Variants in SUGCT observed in about 807,000 individuals in gnomAD.
SUGCT encodes the protein succinyl-CoA:glutarate CoA-transferase.
In SUGCT, 41 loss-of-function variants were observed where a neutral mutation model predicts 55.0. That is an observed-to-expected ratio of 0.74 (90% confidence interval 0.58 to 0.97). SUGCT has a LOEUF of 0.97. SUGCT is among the 50% of genes least tolerant of loss of function. The probability of loss-of-function intolerance (pLI) is 0.00; values close to 1 mark genes in which losing one functional copy is unlikely to be tolerated. For synonymous variants in SUGCT, 187 were observed against 200.4 expected (o/e 0.93, Z 0.56); for missense variants, 568 against 547.8 (o/e 1.04, Z -0.37).
the SUGCT span, among the ~76,000 whole-genome samples, chr7:40,970,995 G>A: frequency 6.6e-6 from 1 of 152,120 alleles, no homozygotes; most frequent in African/African-American, 2.4e-5. Flanking sequence ...GTGTGTGTTG[G>A]GTCATTCTTG....
intron 12 of SUGCT, chr7:40,538,388 G>A (rs867658901): frequency 6.6e-6 from 1 of 152,126 alleles, no homozygotes. Flanking sequence ...AATATAGAAA[G>A]TTTAAAGTTT....
At chr7:40,697,997 A>C (rs1785009751) in intron 12 of SUGCT, among the ~76,000 whole-genome samples, 1 of 152,236 alleles carries the variant, frequency 6.6e-6, no homozygotes, top group African/African-American at 2.4e-5. Context: ...TCGAAAACAG[A>C]GAGGAAGACA....
chr7:40,778,022 C>T (rs1789551113), intron 13 of SUGCT, among the ~76,000 whole-genome samples: 3 of 152,220 alleles, frequency 2.0e-5, no homozygotes. Flanking sequence ...CACCACCTTT[C>T]CACTCTAGTG....
chr7:40,216,498 C>CAAAAAAAA (rs1022915051), intron 6 of SUGCT, among the ~76,000 whole-genome samples: 3 of 50,390 alleles, frequency 6.0e-5, no homozygotes, highest in Admixed American at 2.1e-4. Context: ...GACTCCGTCT[C>CAAAAAAAA]AAAAAAAAAA....
chr7:40,292,230 T>C (rs757175314), intron 8 of SUGCT, among the ~76,000 whole-genome samples: 10 of 152,196 alleles, frequency 6.6e-5, no homozygotes, highest in Non-Finnish European at 1.2e-4. Flanking sequence ...TATTTTTAAT[T>C]TCAGCAGTTT....
the SUGCT span, among the ~76,000 whole-genome samples, chr7:40,900,954 G>A: frequency 6.6e-6 from 1 of 152,224 alleles, no homozygotes; most frequent in Non-Finnish European, 1.5e-5. Context: ...TGTCAGTCCA[G>A]GGATTTGACA....
Position 40,657,561 on chromosome 7 carries a change from C to T in SUGCT, c.1090-91873C>T, listed in dbSNP as rs534512559. On this transcript the variant is annotated intron_variant, in intron 12 of 13. Coordinates refer to ENST00000335693, the MANE Select transcript of SUGCT (RefSeq NM_001193313.2). ...TGTTGCCCGGGCTGGAGTGCAGTGG[C>T]GCAATCTCTGTCGCCCGGGCTGGGG... Among the ~76,000 whole-genome samples, 242 of 151,748 alleles carry T rather than the reference C, an allele frequency of 1.6e-3. 1 individual carries two copies. Among genetic ancestry groups the T allele is most frequent in the Non-Finnish European group, 2.8e-3 (192 of 67,924 alleles).
intron 9 of SUGCT, among the ~76,000 whole-genome samples, chr7:40,334,309 C>G (rs1306840710): frequency 6.6e-6 from 1 of 152,134 alleles, no homozygotes; most frequent in Non-Finnish European, 1.5e-5. Flanking sequence ...AGTTCTAGAT[C>G]CTTGAGGAAT....
At chr7:40,832,779 A>G (rs1168853244) in intron 13 of SUGCT, among the ~76,000 whole-genome samples, 2 of 150,484 alleles carry the variant, frequency 1.3e-5, no homozygotes, top group Non-Finnish European at 3.0e-5. Context: ...GGTTCACGCC[A>G]TTCTCTTGCC....
At chr7:40,369,557 G>A (rs1482200999) in intron 9 of SUGCT, among the ~76,000 whole-genome samples, 2 of 152,162 alleles carry the variant, frequency 1.3e-5, no homozygotes, top group Non-Finnish European at 2.9e-5. Flanking sequence ...TTGCAAGAAG[G>A]AAGGAAGTTG....
intron 8 of SUGCT, among the ~76,000 whole-genome samples, chr7:40,304,803 TG>T (rs1022731710): frequency 2.0e-5 from 3 of 151,506 alleles, no homozygotes; most frequent in Non-Finnish European, 4.4e-5. Context: ...TTCCTTTTTA[TG>T]GCTGAGTAGT....
chr7:40,249,059 GT>G (rs1312043042), intron 7 of SUGCT, among the ~76,000 whole-genome samples: 2 of 151,954 alleles, frequency 1.3e-5, no homozygotes, highest in Non-Finnish European at 2.9e-5. Flanking sequence ...GGGTGACCAA[GT>G]CAGGAGGATT....
intron 9 of SUGCT, among the ~76,000 whole-genome samples, chr7:40,323,181 G>T (rs530057180): frequency 1.3e-5 from 2 of 151,810 alleles, no homozygotes; most frequent in South Asian, 2.1e-4. Context: ...CCACATAGAG[G>T]ACCCTTGCAA....
chr7:41,012,031 G>A, the SUGCT span, among the ~76,000 whole-genome samples: 1 of 152,086 alleles, frequency 6.6e-6, no homozygotes, highest in African/African-American at 2.4e-5. Flanking sequence ...TGCAGCCCCA[G>A]CTAAACCAAT....
At chr7:40,210,819 G>C (rs1787293715) in intron 6 of SUGCT, among the ~76,000 whole-genome samples, 1 of 152,156 alleles carries the variant, frequency 6.6e-6, no homozygotes, top group African/African-American at 2.4e-5. Context: ...GCAGGTAGCA[G>C]ATAATTGGAA....
the SUGCT span, among the ~76,000 whole-genome samples, chr7:40,907,129 G>T: frequency 1.3e-3 from 98 of 75,074 alleles, 1 homozygote; most frequent in African/African-American, 1.3e-3. Context: ...GTGTGTGTGT[G>T]TGTGTGTGTG....
intron 6 of SUGCT, among the ~76,000 whole-genome samples, chr7:40,222,269 A>C (rs1027068799): frequency 6.6e-6 from 1 of 152,246 alleles, no homozygotes; most frequent in East Asian, 1.9e-4. Flanking sequence ...CCGTGTTACA[A>C]TAAGTAGGCT....
At chr7:40,227,711 A>G (rs1019533530) in intron 6 of SUGCT, among the ~76,000 whole-genome samples, 4 of 152,006 alleles carry the variant, frequency 2.6e-5, no homozygotes, top group Non-Finnish European at 4.4e-5. Flanking sequence ...ATTTCGGGAT[A>G]TATCTAGTAG....
At chr7:40,534,793 A>T (rs969460159) in intron 12 of SUGCT, among the ~76,000 whole-genome samples, 4 of 152,222 alleles carry the variant, frequency 2.6e-5, no homozygotes, top group African/African-American at 9.7e-5. Context: ...AAAATTACTT[A>T]TGCCATTATA....
Sources: gnomAD v4.1 joint callset for allele counts (sites outside exome capture counted in the v4.1 genomes callset) on GRCh38, gnomAD v4.1.1 for gene constraint, MANE v1.5 for transcripts, NCBI Gene and HGNC (gene_info 2026-07-23, HGNC 2026-07-21) for gene names.